Variants in RYR3 observed in about 807,000 individuals in gnomAD.
The protein encoded by RYR3 is ryanodine receptor 3.
In RYR3, 207 loss-of-function variants were observed where a neutral mutation model predicts 584.3. The ratio of observed to expected loss-of-function variants is 0.35; its 90% CI spans 0.32 to 0.40. RYR3 has a LOEUF of 0.40. RYR3 is among the 10% of genes least tolerant of loss of function. RYR3 has a pLI of 1.00. For missense variants in RYR3, 5,616 were observed against 6,089.2 expected (o/e 0.92, Z 2.59); for synonymous variants, 2,416 against 2,248.5 (o/e 1.07, Z -2.11).
chr15:33,656,002 T>C (rs561495701), intron 32 of RYR3, among the ~76,000 whole-genome samples: 1 of 152,292 alleles, frequency 6.6e-6, no homozygotes. Flanking sequence ...TTGAACACAT[T>C]TTTCTGTCCA....
intron 1 of RYR3, among the ~76,000 whole-genome samples, chr15:33,328,388 A>G (rs956968851): frequency 6.6e-6 from 1 of 152,162 alleles, no homozygotes; most frequent in African/African-American, 2.4e-5. Flanking sequence ...TGGGCCACCC[A>G]TCATAGCTCC....
At chr15:33,708,644 G>A (rs1199553334) in intron 43 of RYR3, among the ~76,000 whole-genome samples, 8 of 152,112 alleles carry the variant, frequency 5.3e-5, no homozygotes, top group East Asian at 1.9e-4. Context: ...TCAGTTTAAT[G>A]TTTGTCTCTA....
chr15:33,570,208 G>A (rs568837567), intron 12 of RYR3, among the ~76,000 whole-genome samples: 103 of 152,100 alleles, frequency 6.8e-4, no homozygotes, highest in Middle Eastern at 3.4e-3. Context: ...AAATTTTAGC[G>A]TTTACATTTA....
chr15:33,604,317 C>T (rs1218699267), intron 18 of RYR3, among the ~76,000 whole-genome samples: 1 of 152,156 alleles, frequency 6.6e-6, no homozygotes, highest in African/African-American at 2.4e-5. Flanking sequence ...CATTTTCTTC[C>T]TTCCCTTAGC....
intron 1 of RYR3, among the ~76,000 whole-genome samples, chr15:33,381,476 T>G (rs1231147359): frequency 6.6e-6 from 1 of 152,200 alleles, no homozygotes; most frequent in Non-Finnish European, 1.5e-5. Flanking sequence ...TCTTTCCATC[T>G]CCCTGCTGTC....
chr15:33,505,159 C>T (rs2052360808), intron 3 of RYR3, among the ~76,000 whole-genome samples: 1 of 152,158 alleles, frequency 6.6e-6, no homozygotes. Flanking sequence ...GACAATTGAC[C>T]ATAGAATCAA....
chr15:33,359,964 C>G (rs999329424), intron 1 of RYR3, among the ~76,000 whole-genome samples: 1 of 151,982 alleles, frequency 6.6e-6, no homozygotes, highest in Non-Finnish European at 1.5e-5. Flanking sequence ...CTCTCCATAC[C>G]CTTACCCTGC....
rs1204977200 is a variant in RYR3 at position 33,598,508 on chromosome 15, AGCT to A, written c.1789-2909_1789-2907del. 1.6e-4 allele frequency among the ~76,000 whole-genome samples: 24 copies of A among 152,024 alleles called. 1 individual carries two copies. The highest frequency in any genetic ancestry group is 4.4e-5 in the Non-Finnish European group (3 of 68,026). On this transcript the variant is annotated intron_variant, in intron 16 of 103. Transcript: ENST00000634891. Reference sequence around the variant, plus strand: ...CTAAGTGTAAGCAGAAATTAATACCAGCTGGTTGTTAAATGCTAACTTTAGTCG... The same window carrying A: ...CTAAGTGTAAGCAGAAATTAATACCAGGTTGTTAAATGCTAACTTTAGTCG...
At chr15:33,460,406 C>CTT (rs1424475355) in intron 1 of RYR3, among the ~76,000 whole-genome samples, 1 of 152,238 alleles carries the variant, frequency 6.6e-6, no homozygotes, top group African/African-American at 2.4e-5. Context: ...GACTGAAATG[C>CTT]TTCCTTCACA....
chr15:33,762,048 A>C (rs2072498059), intron 60 of RYR3, among the ~76,000 whole-genome samples: 1 of 152,250 alleles, frequency 6.6e-6, no homozygotes. Context: ...GCCTTCGATA[A>C]AATTCAACAC....
At chr15:33,550,745 AAG>A (rs1335275069) in intron 10 of RYR3, among the ~76,000 whole-genome samples, 2 of 152,260 alleles carry the variant, frequency 1.3e-5, no homozygotes, top group Admixed American at 1.3e-4. Context: ...AAACAAAAAA[AAG>A]ATTTAAATGT....
chr15:33,551,507 G>A (rs933627171), intron 10 of RYR3, among the ~76,000 whole-genome samples: 3 of 152,058 alleles, frequency 2.0e-5, no homozygotes, highest in South Asian at 2.1e-4. Flanking sequence ...CCCTCATTTT[G>A]TGCTCCTGTG....
chr15:33,431,422 T>C (rs1413214352), intron 1 of RYR3, among the ~76,000 whole-genome samples: 3 of 152,158 alleles, frequency 2.0e-5, no homozygotes, highest in Non-Finnish European at 4.4e-5. Flanking sequence ...TGTATATGTA[T>C]GTATAGATAT....
chr15:33,485,155 G>A (rs1469227170), intron 2 of RYR3, among the ~76,000 whole-genome samples: 1 of 152,146 alleles, frequency 6.6e-6, no homozygotes, highest in East Asian at 1.9e-4. Flanking sequence ...ATAGTCATAG[G>A]GTAGAATACC....
intron 60 of RYR3, among the ~76,000 whole-genome samples, chr15:33,760,420 A>C (rs1230738941): frequency 6.6e-6 from 1 of 152,244 alleles, no homozygotes; most frequent in Non-Finnish European, 1.5e-5. Context: ...TTTACCAAGC[A>C]AATGGAAAGC....
intron 1 of RYR3, among the ~76,000 whole-genome samples, chr15:33,371,266 C>G (rs1048638087): frequency 6.6e-6 from 1 of 152,072 alleles, no homozygotes; most frequent in African/African-American, 2.4e-5. Flanking sequence ...GTCTGGAGCT[C>G]CTGCTGCTAT....
intron 67 of RYR3, among the ~76,000 whole-genome samples, chr15:33,800,109 T>C (rs2075843369): frequency 6.6e-6 from 1 of 152,234 alleles, no homozygotes; most frequent in African/African-American, 2.4e-5. Flanking sequence ...CAAAATTTCT[T>C]AACCAGTCTA....
chr15:33,483,485 C>CT (rs1307719192), intron 2 of RYR3, among the ~76,000 whole-genome samples: 5 of 152,158 alleles, frequency 3.3e-5, no homozygotes, highest in Non-Finnish European at 5.9e-5. Context: ...ACTAGTGTGT[C>CT]TCCTTCATCT....
chr15:33,409,057 G>A (rs573855684), intron 1 of RYR3, among the ~76,000 whole-genome samples: 8 of 152,244 alleles, frequency 5.3e-5, no homozygotes, highest in Middle Eastern at 3.4e-3. Flanking sequence ...TGCATTAGGG[G>A]TTTGCTTTTT....
Sources: gnomAD v4.1 joint callset for allele counts (sites outside exome capture counted in the v4.1 genomes callset) on GRCh38, gnomAD v4.1.1 for gene constraint, MANE v1.5 for transcripts, NCBI Gene and HGNC (gene_info 2026-07-23, HGNC 2026-07-21) for gene names.